Variants in AKAP6 observed in about 807,000 individuals in gnomAD.
AKAP6 encodes A-kinase anchoring protein 6.
AKAP6 carries 58 observed loss-of-function variants against 188.5 expected under a neutral mutation model. The observed-to-expected ratio is 0.31, with a 90% confidence interval of 0.25 to 0.38. The LOEUF (loss-of-function observed/expected upper bound fraction) is 0.38, where lower values mean the gene tolerates loss of function less well. Ranked by LOEUF, AKAP6 falls within the 10% of genes least tolerant of loss-of-function variation. The pLI is 1.00. For synonymous variants in AKAP6, 989 were observed against 998.6 expected, an observed-to-expected ratio of 0.99 and a Z score of 0.18; for missense variants, 2,710 against 2,740.0, an observed-to-expected ratio of 0.99 and a Z score of 0.24.
chr14:32,761,089 T>C (rs1055902378), intron 11 of AKAP6, among the ~76,000 whole-genome samples: 17 of 152,198 alleles, frequency 1.1e-4, no homozygotes, highest in Non-Finnish European at 1.5e-5. Flanking sequence ...GTACTATTTA[T>C]TTTAGACGCT....
intron 7 of AKAP6, among the ~76,000 whole-genome samples, chr14:32,673,641 A>G (rs1377187921): frequency 6.6e-6 from 1 of 152,180 alleles, no homozygotes; most frequent in Non-Finnish European, 1.5e-5. Flanking sequence ...AGGCTGAGGT[A>G]GGAGATTCGC....
At chr14:32,679,716 A>G (rs1889592864) in intron 8 of AKAP6, among the ~76,000 whole-genome samples, 2 of 152,178 alleles carry the variant, frequency 1.3e-5, no homozygotes, top group Admixed American at 6.5e-5. Flanking sequence ...TTAGGAAATG[A>G]AAAGGGAGTT....
intron 7 of AKAP6, among the ~76,000 whole-genome samples, chr14:32,636,755 G>A (rs1395202811): frequency 1.3e-5 from 2 of 152,124 alleles, no homozygotes; most frequent in East Asian, 1.9e-4. Flanking sequence ...CCACTGGGCT[G>A]TAGGAGTAGG....
At chr14:32,767,819 C>A (rs1355895106) in intron 11 of AKAP6, among the ~76,000 whole-genome samples, 2 of 152,128 alleles carry the variant, frequency 1.3e-5, no homozygotes, top group Non-Finnish European at 2.9e-5. Flanking sequence ...CATAGTTTAG[C>A]ATATATATCA....
At chr14:32,741,469 C>T (rs1411282391) in intron 11 of AKAP6, among the ~76,000 whole-genome samples, 4 of 151,856 alleles carry the variant, frequency 2.6e-5, no homozygotes, top group Non-Finnish European at 5.9e-5. Flanking sequence ...CAGTTTTCTC[C>T]CGTTCAATGT....
chr14:32,398,061 T>G (rs374996187), intron 1 of AKAP6, among the ~76,000 whole-genome samples: 3 of 152,226 alleles, frequency 2.0e-5, no homozygotes, highest in East Asian at 1.9e-4. Flanking sequence ...CAGGGGAACC[T>G]CCTGTGTTTC....
chr14:32,655,825 G>A (rs1165937522), intron 7 of AKAP6, among the ~76,000 whole-genome samples: 1 of 152,124 alleles, frequency 6.6e-6, no homozygotes, highest in East Asian at 1.9e-4. Flanking sequence ...ACTGGGGAAA[G>A]CGTTTTTTAC....
intron 11 of AKAP6, among the ~76,000 whole-genome samples, chr14:32,753,326 G>C (rs188430157): frequency 2.6e-5 from 4 of 152,096 alleles, no homozygotes; most frequent in Admixed American, 2.6e-4. Flanking sequence ...TCATAAACCT[G>C]TCTTCTGTTG....
rs879445740 is a variant in AKAP6, at chr14:32,533,412, AGTG to A, written c.325-2141_325-2139del. Among the ~76,000 whole-genome samples the A allele has an allele frequency of 1.4e-3, 209 of 152,276 alleles. 2 individuals carry two copies. The highest frequency in any genetic ancestry group is 0.012 in the Admixed American group (181 of 15,294). ...GCCTTTCCCCCATCATCCCTACTAT[AGTG>A]TCTCAGGTGAGGACTGGGAGAATGA... is the stretch of plus-strand genomic sequence containing the variant. On this transcript the variant is annotated intron_variant, in intron 2 of 13. Transcript: ENST00000280979.
At chr14:32,684,049 G>A (rs1889807457) in intron 8 of AKAP6, among the ~76,000 whole-genome samples, 1 of 152,204 alleles carries the variant, frequency 6.6e-6, no homozygotes, top group Non-Finnish European at 1.5e-5. Flanking sequence ...GGGGAATGCA[G>A]AGGAAGAATA....
chr14:32,684,433 C>T (rs1001374733), intron 8 of AKAP6, among the ~76,000 whole-genome samples: 5 of 152,064 alleles, frequency 3.3e-5, no homozygotes, highest in East Asian at 1.9e-4. Context: ...TTGAGGAGTA[C>T]GGTTGACTAT....
At chr14:32,441,940 T>G (rs2138738909) in intron 2 of AKAP6, among the ~76,000 whole-genome samples, 1 of 151,922 alleles carries the variant, frequency 6.6e-6, no homozygotes, top group Non-Finnish European at 1.5e-5. Flanking sequence ...GTTATTGGGG[T>G]TTTTTAAAGA....
At chr14:32,487,049 G>C (rs1225284898) in intron 2 of AKAP6, among the ~76,000 whole-genome samples, 1 of 152,104 alleles carries the variant, frequency 6.6e-6, no homozygotes, top group Non-Finnish European at 1.5e-5. Context: ...TTTATCCCAG[G>C]CCTTTTCTGC....
intron 2 of AKAP6, among the ~76,000 whole-genome samples, chr14:32,504,699 G>A (rs770378076): frequency 1.3e-5 from 2 of 152,104 alleles, no homozygotes; most frequent in Non-Finnish European, 1.5e-5. Flanking sequence ...ATAATGGTAG[G>A]CTTACCTTTT....
chr14:32,476,589 G>A (rs971832111), intron 2 of AKAP6, among the ~76,000 whole-genome samples: 1 of 152,148 alleles, frequency 6.6e-6, no homozygotes, highest in Non-Finnish European at 1.5e-5. Flanking sequence ...TTTGACTTGT[G>A]TCAGATAAAG....
intron 2 of AKAP6, among the ~76,000 whole-genome samples, chr14:32,452,670 A>T (rs1002485494): frequency 1.3e-5 from 2 of 152,110 alleles, no homozygotes; most frequent in Non-Finnish European, 2.9e-5. Context: ...AGGAAAAGGA[A>T]TTGCTTGGTC....
At chr14:32,708,291 G>A (rs990418777) in intron 9 of AKAP6, among the ~76,000 whole-genome samples, 3 of 151,980 alleles carry the variant, frequency 2.0e-5, no homozygotes, top group Non-Finnish European at 2.9e-5. Context: ...GTGTGCTTCC[G>A]AAAATGTCGT....
chr14:32,380,701 A>T (rs1301357914), intron 1 of AKAP6, among the ~76,000 whole-genome samples: 1 of 152,124 alleles, frequency 6.6e-6, no homozygotes, highest in East Asian at 1.9e-4. Context: ...GTCCTTATTG[A>T]TTTCCCCAAG....
At chr14:32,612,385 CAT>C (rs1264567777) in intron 7 of AKAP6, among the ~76,000 whole-genome samples, 1 of 152,054 alleles carries the variant, frequency 6.6e-6, no homozygotes, top group Admixed American at 6.6e-5. Flanking sequence ...ATAATAATAT[CAT>C]GTGTAGTTAT....
Sources: allele counts gnomAD v4.1 joint callset (sites outside exome capture counted in the v4.1 genomes callset), GRCh38; gene constraint gnomAD v4.1.1; transcripts MANE v1.5; gene names NCBI Gene and HGNC (gene_info 2026-07-23, HGNC 2026-07-21).